The following HADHA variants were observed in gnomAD, a reference collection of about 807,000 sequenced individuals.
HADHA encodes trifunctional enzyme subunit alpha, mitochondrial.
Under a neutral mutation model 91.3 loss-of-function variants are expected in HADHA, and 59 were observed. The ratio of observed to expected loss-of-function variants is 0.65; its 90% confidence interval spans 0.52 to 0.80. The LOEUF is 0.80. Among genes scored for constraint, HADHA ranks in the 30% least tolerant of loss-of-function variants. The pLI, the probability that HADHA is intolerant of heterozygous loss-of-function variation, is 0.00. For missense variants in HADHA, 800 were observed against 927.6 expected (o/e 0.86, Z 1.79); for synonymous variants, 320 against 338.9 (o/e 0.94, Z 0.61).
Position 26,192,466 on chromosome 2 carries a change from G to A in HADHA, c.1886-42C>T, listed in dbSNP as rs199727812. Reference sequence around the variant, plus strand: ...AAGGGAGTGTTACTATTTGTTCTCAGGGAGGGAGTGTTACTATTTGTTCTC... The same window carrying A: ...AAGGGAGTGTTACTATTTGTTCTCAAGGAGGGAGTGTTACTATTTGTTCTC... On this transcript the variant is annotated intron_variant, in intron 17 of 19. Transcript: ENST00000380649. 22 of 1,066,484 alleles carry A rather than the reference G, an allele frequency of 2.1e-5. No homozygotes were observed. In the East Asian group the frequency reaches 4.7e-4, roughly 23 times the overall value. 66.1% of individuals were successfully genotyped at this position (1,066,484 alleles called of 1,614,324 possible).
At chr2:26,193,364 A>C (rs1023777711) in intron 17 of HADHA, among the ~76,000 whole-genome samples, 4 of 147,134 alleles carry the variant, frequency 2.7e-5, no homozygotes. Flanking sequence ...TCTGGGCTCA[A>C]GCGATCCTCC....
At chr2:26,234,158 A>G in intron 5 of HADHA, 59 bp downstream of exon 5, 1 of 1,499,112 alleles carries the variant, frequency 6.7e-7, no homozygotes, top group Non-Finnish European at 9.3e-7. Flanking sequence ...AAGGGTTTAC[A>G]GCTGATGAAT....
intron 17 of HADHA, among the ~76,000 whole-genome samples, 200 bp downstream of exon 17, chr2:26,193,377 C>T (rs981258738): frequency 1.3e-5 from 2 of 151,414 alleles, no homozygotes; most frequent in Non-Finnish European, 2.9e-5. Flanking sequence ...GATCCTCCCA[C>T]CTCAGCCTCC....
At position 26,214,916 on chromosome 2, in the gene HADHA, T is replaced by A; in HGVS notation, c.799+137A>T. 1 of 869,720 alleles carries A rather than the reference T, an allele frequency of 1.1e-6. No individual in the cohort carries two copies. Among genetic ancestry groups the A allele is most frequent in the East Asian group, 2.4e-5 (1 of 41,430 alleles). The allele number at this position is 869,720 out of a possible 1,614,324, so 53.9% of individuals were successfully genotyped here. On this transcript the variant is annotated intron_variant, in intron 8 of 19. Transcript: ENST00000380649. This position sits in a 1 kb window ranked among gnomAD's most constrained non-coding sequence, Gnocchi z 4.1. The stretch of plus-strand genomic sequence containing the variant: ...GGATAGTGTAAAGTTGAGGAGTTGT[T>A]ACATCTCCTACCTAAGGCTGACTTT...
intron 17 of HADHA, 71 bp downstream of exon 17, chr2:26,193,504 ACT>A (rs1669572323): frequency 7.2e-6 from 9 of 1,242,960 alleles, no homozygotes; most frequent in Non-Finnish European, 1.1e-5. Flanking sequence ...GGCTTCTGTA[ACT>A]CTTTGGTCTC....
At chr2:26,206,650 T>C (rs1669978756) in intron 11 of HADHA, among the ~76,000 whole-genome samples, 1 of 152,230 alleles carries the variant, frequency 6.6e-6, no homozygotes, top group Non-Finnish European at 1.5e-5. Flanking sequence ...AACTGCATAC[T>C]GTATAACATA....
intron 12 of HADHA, among the ~76,000 whole-genome samples, chr2:26,202,910 T>G (rs1669882351): frequency 6.6e-6 from 1 of 152,252 alleles, no homozygotes; most frequent in South Asian, 2.1e-4. Flanking sequence ...CAGGAACTAT[T>G]GTCCCAAGTC....
At chr2:26,197,573 A>G (rs377725030) in intron 14 of HADHA, 118 bp downstream of exon 14, 20 of 730,532 alleles carry the variant, frequency 2.7e-5, no homozygotes, top group African/African-American at 2.6e-4. Context: ...TCCAGTGTTT[A>G]GGAACCACCC....
rs5830004 is a variant in HADHA, at chr2:26,229,348, G to GCACA, written c.676+840_676+843dup. ...GTGAGACCCCAACATGTGTGCGCGC[G>GCACA]CACACACACACACACACACACACAC... On this transcript the variant is annotated intron_variant, in intron 7 of 19. Transcript: ENST00000380649. The surrounding 1 kb of genome is among the most constrained non-coding windows in gnomAD (Gnocchi z 4.3). 0.087 allele frequency among the ~76,000 whole-genome samples: 12,868 copies of GCACA among 147,208 alleles called. 1,613 individuals are homozygous for GCACA. Among genetic ancestry groups the GCACA allele is most frequent in the East Asian group, 0.58 (2,861 of 4,940 alleles).
In HADHA at chr2:26,214,479, A is replaced by G. The variant is rs769959246; in HGVS notation, c.882T>C (p.Thr294=). The G allele has an allele frequency of 8.1e-6, 13 of 1,595,306 alleles. No individual in the cohort carries two copies. Among genetic ancestry groups the G allele is most frequent in the African/African-American group, 8.0e-5 (6 of 74,576 alleles). The change falls in exon 9 of 20, where the codon ACT becomes ACC. Residue 294 remains threonine, a synonymous_variant. Transcript: ENST00000380649. The surrounding 1 kb of genome is among the most constrained non-coding windows in gnomAD (Gnocchi z 4.1). ...KKVEEKVRKQ[T]KGLYPAPLKI... is the part of the protein sequence containing the mutation. ...TCAGAGGTGCAGGATAAAGGCCTTT[A>G]GTCTGCTTTCGCACTTTTTCTTCCA...
chr2:26,214,865 A>C lies in HADHA; in HGVS notation c.799+188T>G, dbSNP rs1670180809. Among the ~76,000 whole-genome samples the C allele has an allele frequency of 6.6e-6, 1 of 152,230 alleles. No homozygotes were observed. ...ACTCAAGGGTCATCATAAGGAAAAAAAAGGTTTTAAAAATTGGCTTTAACT... is the reference window on the plus strand; with the variant it reads ...ACTCAAGGGTCATCATAAGGAAAAACAAGGTTTTAAAAATTGGCTTTAACT... On this transcript the variant is annotated intron_variant, in intron 8 of 19. Transcript: ENST00000380649. The surrounding 1 kb of genome is among the most constrained non-coding windows in gnomAD (Gnocchi z 4.1).
At chr2:26,237,081 T>C (rs901830286) in intron 3 of HADHA, 93 bp from the exon 4 acceptor site, 12 of 908,542 alleles carry the variant, frequency 1.3e-5, no homozygotes, top group Middle Eastern at 2.1e-4. Context: ...ATAAGAAATA[T>C]ACTTATCCGG....
chr2:26,197,878 T>TC (rs1287970084), intron 13 of HADHA, 101 bp from the exon 14 acceptor site: 1 of 756,050 alleles, frequency 1.3e-6, no homozygotes, highest in Non-Finnish European at 2.5e-6. Flanking sequence ...GCCCACTCTG[T>TC]CCCCCACAAC....
chr2:26,206,699 C>T (rs1669980607), intron 11 of HADHA, among the ~76,000 whole-genome samples: 1 of 152,084 alleles, frequency 6.6e-6, no homozygotes, highest in South Asian at 2.1e-4. Flanking sequence ...CAGAGATGGA[C>T]TTATACACAA....
At chr2:26,223,740 CTTTTA>C (rs1487331194) in intron 7 of HADHA, among the ~76,000 whole-genome samples, 1 of 151,942 alleles carries the variant, frequency 6.6e-6, no homozygotes, top group Non-Finnish European at 1.5e-5. Flanking sequence ...AAGGGGAAAT[CTTTTA>C]TTTATTTATT....
rs979643559 is a variant in HADHA at position 26,209,837 on chromosome 2, T to A, written c.1028A>T (p.Tyr343Phe). The change falls in exon 11 of 20, where the codon TAC becomes TTC. Residue 343 changes from tyrosine to phenylalanine, a missense_variant. Transcript: ENST00000380649. ...TKESKALMGL[Y>F]HGQVLCKKNK... is the part of the protein sequence containing the mutation. The stretch of plus-strand genomic sequence containing the variant: ...CTTCTTGCACAGGACCTGACCATGG[T>A]AGAGTCCCATCAAGGCCTTTGATTC... 1 of 1,607,372 alleles carries A rather than the reference T, an allele frequency of 6.2e-7. No homozygotes were observed. Among genetic ancestry groups the A allele is most frequent in the Non-Finnish European group, 8.5e-7 (1 of 1,174,020 alleles).
In HADHA at chr2:26,193,709, C is replaced by T. The variant is rs753722938; in HGVS notation, c.1753G>A (p.Ala585Thr). The change falls in exon 17 of 20, where the codon GCC becomes ACC. Residue 585 changes from alanine to threonine, a missense_variant. By Grantham distance (58) the Ala-to-Thr change is moderately conservative (BLOSUM62 0). Coordinates refer to ENST00000380649, the MANE Select transcript of HADHA (RefSeq NM_000182.5). ...TTSFGFPVGA[A>T]TLVDEVGVDV... ...ACACCAACTTCATCCACCAGTGTGG[C>T]GGCACCCACAGGAAAGCCAAAGCTT... 1.4e-5 allele frequency: 22 copies of T among 1,613,800 alleles called. No individual in the cohort carries two copies. Among genetic ancestry groups the T allele is most frequent in the African/African-American group, 1.2e-4 (9 of 75,036 alleles).
chr2:26,205,230 A>G (rs1338825052), intron 11 of HADHA, among the ~76,000 whole-genome samples: 1 of 152,192 alleles, frequency 6.6e-6, no homozygotes, highest in Non-Finnish European at 1.5e-5. Context: ...TTTTTAAAGA[A>G]TCTCTTCATA....
intron 12 of HADHA, among the ~76,000 whole-genome samples, chr2:26,202,497 T>G (rs553369811): frequency 1.3e-5 from 2 of 152,122 alleles, no homozygotes. Flanking sequence ...TCCCAGCACT[T>G]TGGGAGGCTG....
Sources: gnomAD v4.1 joint callset for allele counts (sites outside exome capture counted in the v4.1 genomes callset) on GRCh38, gnomAD v4.1.1 for gene constraint, Gnocchi (gnomAD v3.1) non-coding constraint, MANE v1.5 for transcripts, NCBI Gene and HGNC (gene_info 2026-07-23, HGNC 2026-07-21) for gene names.